The following PMPCB variants were observed in gnomAD, a reference collection of about 807,000 sequenced individuals.
The protein encoded by PMPCB is mitochondrial-processing peptidase subunit beta.
Under a neutral mutation model 61.5 loss-of-function variants are expected in PMPCB, and 46 were observed. The ratio of observed to expected loss-of-function variants is 0.75; its 90% CI spans 0.59 to 0.96. The LOEUF is 0.96. PMPCB is among the 40% of genes least tolerant of loss of function. PMPCB has a pLI of 0.00. For missense variants in PMPCB, 590 were observed against 602.4 expected (o/e 0.98, Z 0.22); for synonymous variants, 191 against 201.6 (o/e 0.95, Z 0.44).
chr7:103,327,485 T>TTG (rs1465348274), intron 12 of PMPCB: 1 of 684,404 alleles, frequency 1.5e-6, no homozygotes, highest in Non-Finnish European at 2.4e-6. Context: ...ACACCTCACT[T>TTG]TGTGTCGTGA....
chr7:103,304,191 G>T, intron 5 of PMPCB, 151 bp downstream of exon 5: 1 of 684,956 alleles, frequency 1.5e-6, no homozygotes, highest in East Asian at 2.7e-5. Context: ...GTCCCACCTA[G>T]CTCCCAAGCA....
intron 8 of PMPCB, 33 bp downstream of exon 8, chr7:103,309,128 G>T (rs779318048): frequency 2.3e-5 from 35 of 1,522,898 alleles, no homozygotes; most frequent in Non-Finnish European, 3.1e-5. Context: ...TTCCATAACA[G>T]ATGGAAGATT....
At position 103,312,597 on chromosome 7, in the gene PMPCB, A is replaced by G. The variant is rs1412907587; in HGVS notation, c.*326A>G. 1.9e-6 allele frequency: 3 copies of G among 1,613,510 alleles called. No homozygotes were observed. Among genetic ancestry groups the G allele is most frequent in the African/African-American group, 2.7e-5 (2 of 74,930 alleles). ...TTTCTTGGCTCTACTTGCATTCAGC[A>G]CTTGTTCTTGAGCAGCTTTCTTTGC... is the stretch of plus-strand genomic sequence containing the variant. On this transcript the variant is annotated 3_prime_UTR_variant, in exon 13 of 13. Transcript: ENST00000249269.
rs1586059239 is a variant in PMPCB, at chr7:103,314,195, T to C, written c.*1924T>C. ...TATTGGTTTAAAGCCCTAAATACCATAGATTTTATTTCCTCTCTTGGAAAA... is the reference window on the plus strand; with the variant it reads ...TATTGGTTTAAAGCCCTAAATACCACAGATTTTATTTCCTCTCTTGGAAAA... On this transcript the variant is annotated 3_prime_UTR_variant, in exon 13 of 13. Transcript: ENST00000249269. The C allele has an allele frequency of 4.1e-6, 4 of 985,386 alleles. No individual in the cohort carries two copies. Among genetic ancestry groups the C allele is most frequent in the African/African-American group, 1.7e-5 (1 of 57,370 alleles). The allele number at this position is 985,386 out of a possible 1,614,324, so 61.0% of individuals were successfully genotyped here. A position where few individuals can be genotyped will look rare whatever the true frequency, so the allele number is the denominator to read the frequency against.
chr7:103,312,048 T>C lies in PMPCB; in HGVS notation c.1330-8T>C. 1.9e-6 allele frequency: 3 copies of C among 1,612,234 alleles called. No individual in the cohort carries two copies. The highest frequency in any genetic ancestry group is 2.5e-6 in the Non-Finnish European group (3 of 1,178,954). On this transcript the variant is annotated splice_region_variant and splice_polypyrimidine_tract_variant and intron_variant, in intron 11 of 12. Transcript: ENST00000249269. Reference sequence around the variant, plus strand: ...AACAGCTGAATGACAGTGTCTTCCATATTTCAGGCTGTGAATGCTGAGACA... The same window carrying C: ...AACAGCTGAATGACAGTGTCTTCCACATTTCAGGCTGTGAATGCTGAGACA...
Position 103,313,188 on chromosome 7 carries a change from C to A in PMPCB, c.*917C>A. 1 of 1,476,228 alleles carries A rather than the reference C, an allele frequency of 6.8e-7. No homozygotes were observed. Among genetic ancestry groups the A allele is most frequent in the South Asian group, 1.5e-5 (1 of 67,442 alleles). The allele number at this position is 1,476,228 out of a possible 1,614,324, so 91.4% of individuals were successfully genotyped here. On this transcript the variant is annotated 3_prime_UTR_variant, in exon 13 of 13. Coordinates refer to ENST00000249269, the MANE Select transcript of PMPCB (RefSeq NM_004279.3). Reference sequence around the variant, plus strand: ...GGTCCACAAGTATTCGCTAAGTGCCCATTTCAATCTGGGATGTGTCATTTT... The same window carrying A: ...GGTCCACAAGTATTCGCTAAGTGCCAATTTCAATCTGGGATGTGTCATTTT...
At chr7:103,302,763 C>G (rs2115643779) in intron 4 of PMPCB, among the ~76,000 whole-genome samples, 1 of 152,222 alleles carries the variant, frequency 6.6e-6, no homozygotes, top group Non-Finnish European at 1.5e-5. Flanking sequence ...CTAAACCAGA[C>G]ACGGTAGTAC....
At chr7:103,329,730 G>C (rs1458033283), downstream of PMPCB, among the ~76,000 whole-genome samples, 2 of 152,050 alleles carry the variant, frequency 1.3e-5, no homozygotes. Flanking sequence ...ACTTATTCTT[G>C]CCCTGGGGTT....
At chr7:103,316,657 C>G (rs767859664), downstream of PMPCB, 7 of 608,258 alleles carry the variant, frequency 1.2e-5, no homozygotes, top group South Asian at 2.0e-5. Context: ...TGTACTGATG[C>G]AATGGGTAAG....
intron 12 of PMPCB, chr7:103,322,910 G>T: frequency 3.7e-6 from 3 of 815,020 alleles, no homozygotes; most frequent in Middle Eastern, 3.6e-4. Flanking sequence ...AAAATGCTGT[G>T]TCATTACTAA....
At chr7:103,347,224 T>C in the PMPCB span, among the ~76,000 whole-genome samples, 1 of 152,200 alleles carries the variant, frequency 6.6e-6, no homozygotes, top group African/African-American at 2.4e-5. Flanking sequence ...TTTTTGCTTG[T>C]TTTTTAATAA....
intron 12 of PMPCB, among the ~76,000 whole-genome samples, chr7:103,325,386 G>A (rs148131899): frequency 5.3e-5 from 8 of 151,794 alleles, no homozygotes; most frequent in East Asian, 1.9e-4. Context: ...GCGGTGAGCC[G>A]AGATTGTGCC....
chr7:103,322,155 T>G, intron 12 of PMPCB: 1 of 1,150,288 alleles, frequency 8.7e-7, no homozygotes, highest in Admixed American at 3.2e-5. Context: ...TTTAAAAATT[T>G]AAACTTTTAA....
In PMPCB at chr7:103,314,422, CA is replaced by C; in HGVS notation, c.*2152del. On this transcript the variant is annotated 3_prime_UTR_variant, in exon 13 of 13. Coordinates refer to ENST00000249269, the MANE Select transcript of PMPCB (RefSeq NM_004279.3). Reference sequence around the variant, plus strand: ...AGGCAAAGGAGTCATACCCACATAGCACTACTGCCAGTCACTCTTGCCTTCA... The same window carrying C: ...AGGCAAAGGAGTCATACCCACATAGCCTACTGCCAGTCACTCTTGCCTTCA... 1.0e-6 allele frequency: 1 copy of C among 985,370 alleles called. No individual in the cohort carries two copies. The highest frequency in any genetic ancestry group is 1.2e-6 in the Non-Finnish European group (1 of 829,906). 61.0% of individuals were successfully genotyped at this position (985,370 alleles called of 1,614,324 possible).
chr7:103,304,819 C>T (rs1017419693), intron 6 of PMPCB, among the ~76,000 whole-genome samples: 16 of 152,008 alleles, frequency 1.1e-4, no homozygotes, highest in African/African-American at 3.9e-4. Context: ...AGTAGCTGGG[C>T]GTGGTGACAT....
At position 103,312,795 on chromosome 7, in the gene PMPCB, T is replaced by C; in HGVS notation, c.*524T>C. 6.6e-7 allele frequency: 1 copy of C among 1,510,942 alleles called. No homozygotes were observed. The allele number at this position is 1,510,942 out of a possible 1,614,324, so 93.6% of individuals were successfully genotyped here. On this transcript the variant is annotated 3_prime_UTR_variant, in exon 13 of 13. Coordinates refer to ENST00000249269, the MANE Select transcript of PMPCB (RefSeq NM_004279.3). Reference sequence around the variant, plus strand: ...GCCAGGGCCTAGAAAGTTTCTAAGGTTGCTCATTTCTTCCTCATAATATTG... The same window carrying C: ...GCCAGGGCCTAGAAAGTTTCTAAGGCTGCTCATTTCTTCCTCATAATATTG...
In PMPCB at chr7:103,300,261, G is replaced by A. The variant is rs781023258; in HGVS notation, c.411G>A (p.Glu137=). Residue 137 remains glutamate (E), a synonymous_variant, in exon 4 of 13, where the codon GAG becomes GAA. Coordinates refer to ENST00000249269, the MANE Select transcript of PMPCB (RefSeq NM_004279.3). ...GAHLNAYTSR[E]QTVYYAKAFS... is the part of the protein sequence containing the mutation. ...ATCTCAATGCCTATACCTCCAGAGA[G>A]CAGACTGTATACTATGCCAAAGCAT... The A allele has an allele frequency of 6.2e-7, 1 of 1,612,322 alleles. No homozygotes were observed. The highest frequency in any genetic ancestry group is 1.1e-5 in the South Asian group (1 of 90,968).
downstream of PMPCB, chr7:103,315,921 C>T: frequency 6.5e-7 from 1 of 1,529,382 alleles, no homozygotes; most frequent in Non-Finnish European, 9.0e-7. Context: ...TTTAATCTTT[C>T]ATTAAATTGC....
At chr7:103,322,202 T>C in intron 12 of PMPCB, 1 of 750,298 alleles carries the variant, frequency 1.3e-6, no homozygotes, top group Non-Finnish European at 1.9e-6. Flanking sequence ...ATAAACTTAT[T>C]GAAAACTGAA....
Sources: allele counts gnomAD v4.1 joint callset (sites outside exome capture counted in the v4.1 genomes callset), GRCh38; gene constraint gnomAD v4.1.1; transcripts MANE v1.5; gene names NCBI Gene and HGNC (gene_info 2026-07-23, HGNC 2026-07-21).